PCDHA7: variants seen among roughly 807,000 people sequenced by gnomAD.
PCDHA7 encodes protocadherin alpha 7, also known as protocadherin alpha-7.
A neutral mutation model predicts 57.2 loss-of-function variants in PCDHA7; 37 were observed. That is an observed-to-expected ratio of 0.65 (90% CI 0.50 to 0.85). The LOEUF is 0.85. PCDHA7 is among the 40% of genes least tolerant of loss of function. The probability of loss-of-function intolerance (pLI) is 0.00; values close to 1 mark genes in which losing one functional copy is unlikely to be tolerated. For synonymous variants in PCDHA7, 553 were observed against 558.8 expected, an observed-to-expected ratio of 0.99 and a Z score of 0.15; for missense variants, 1,188 against 1,241.8, an observed-to-expected ratio of 0.96 and a Z score of 0.65.
chr5:140,993,535 GAGAT>G (rs2097571300), intron 3 of PCDHA7, among the ~76,000 whole-genome samples: 1 of 151,900 alleles, frequency 6.6e-6, no homozygotes, highest in African/African-American at 2.4e-5. Context: ...GAGAGAGAGA[GAGAT>G]AGAGAAGTGA....
In PCDHA7 at chr5:140,836,401, G is replaced by T. The variant is rs2150259872; in HGVS notation, c.2018G>T (p.Gly673Val). 16 of 1,613,770 alleles carry T rather than the reference G, an allele frequency of 9.9e-6. 1 individual carries two copies. The African/African-American group carries it at 2.0e-4, about 20-fold the overall frequency. Residue 673 changes from glycine to valine, a missense_variant, in exon 1 of 4, where the codon GGC becomes GTC. Gly to Val is a moderately radical substitution (Grantham distance 109, BLOSUM62 -3). Transcript: ENST00000525929. ...GTGCTGGTGTCGCTGGTGGAAAGCG[G>T]CCAGGCACCAAAGGCGTCGTCGCGG... The part of the protein sequence containing the change: ...ATVLVSLVES[G>V]QAPKASSRAS...
At chr5:140,957,897 C>A (rs1563294637) in intron 1 of PCDHA7, among the ~76,000 whole-genome samples, 2 of 151,908 alleles carry the variant, frequency 1.3e-5, no homozygotes, top group East Asian at 3.9e-4. Context: ...TGGCATCAAC[C>A]AAGGCATATT....
In PCDHA7 at chr5:140,858,202, A is replaced by C. The variant is rs782325182; in HGVS notation, c.2355+21464A>C. On this transcript the variant is annotated intron_variant, in intron 1 of 3. Transcript: ENST00000525929. The stretch of plus-strand genomic sequence containing the variant: ...TGCTCACGCTGCTGCTGTACACTGC[A>C]CTGAGGTGCTCGGCGGCGCCCACCG... The C allele has an allele frequency of 1.9e-6, 3 of 1,596,904 alleles. No homozygotes were observed. In the East Asian group the frequency reaches 6.7e-5, roughly 36 times the overall value.
intron 1 of PCDHA7, among the ~76,000 whole-genome samples, chr5:140,896,879 G>A (rs1323456222): frequency 6.6e-6 from 1 of 151,976 alleles, no homozygotes; most frequent in Non-Finnish European, 1.5e-5. Context: ...TATTTATGGG[G>A]TATATGAGAC....
chr5:140,979,004 A>T lies in PCDHA7; in HGVS notation c.2411A>T (p.His804Leu). ...RYSASLRAGM[H>L]SSVHLEEAGI... Reference sequence around the variant, plus strand: ...TCTGCCTCCCTGAGAGCAGGCATGCACAGGTATGTATTTCCCTCCTCATTC... The same window carrying T: ...TCTGCCTCCCTGAGAGCAGGCATGCTCAGGTATGTATTTCCCTCCTCATTC... Residue 804 changes from histidine (H) to leucine (L), a missense_variant, in exon 2 of 4, where the codon CAC becomes CTC. His to Leu is a moderately conservative substitution (Grantham distance 99). Coordinates refer to ENST00000525929, the MANE Select transcript of PCDHA7 (RefSeq NM_018910.3). The T allele has an allele frequency of 6.2e-7, 1 of 1,614,144 alleles. No homozygotes were observed. Among genetic ancestry groups the T allele is most frequent in the South Asian group, 1.1e-5 (1 of 91,052 alleles).
chr5:140,873,432 T>A (rs992972839), intron 1 of PCDHA7, among the ~76,000 whole-genome samples: 5 of 152,212 alleles, frequency 3.3e-5, no homozygotes, highest in African/African-American at 7.2e-5. Flanking sequence ...TTATTTTATA[T>A]CACATAAATA....
chr5:140,887,101 CT>C (rs200717289), intron 1 of PCDHA7, among the ~76,000 whole-genome samples: 3,245 of 145,086 alleles, frequency 0.022, 87 homozygotes, highest in African/African-American at 0.074. Flanking sequence ...ATCTTTATCT[CT>C]TTTTTTTTTT....
At chr5:140,907,706 A>G (rs1171479205) in intron 1 of PCDHA7, among the ~76,000 whole-genome samples, 1 of 152,172 alleles carries the variant, frequency 6.6e-6, no homozygotes, top group Non-Finnish European at 1.5e-5. Flanking sequence ...CCTGTTGCTG[A>G]GCCCATGTGT....
At chr5:140,993,227 C>T (rs1464075096) in intron 3 of PCDHA7, among the ~76,000 whole-genome samples, 1 of 152,084 alleles carries the variant, frequency 6.6e-6, no homozygotes, top group African/African-American at 2.4e-5. Context: ...TTGGTATGTT[C>T]TCTCTGAATC....
At chr5:140,877,585 T>A (rs2057227188) in intron 1 of PCDHA7, 1 of 1,613,836 alleles carries the variant, frequency 6.2e-7, no homozygotes, top group Non-Finnish European at 8.5e-7. Flanking sequence ...CATCGCCATC[T>A]GTGCGGTGTC....
chr5:140,877,037 C>T lies in PCDHA7; in HGVS notation c.2355+40299C>T, dbSNP rs782624599. ...AGCGGCAAGGTGTACGCGCTGCAGC[C>T]GCTAGACCACGAGGAGCTGGAGCTG... On this transcript the variant is annotated intron_variant, in intron 1 of 3. Transcript: ENST00000525929. 6.8e-6 allele frequency: 11 copies of T among 1,612,374 alleles called. No individual in the cohort carries two copies. Among genetic ancestry groups the T allele is most frequent in the Admixed American group, 5.0e-5 (3 of 59,998 alleles).
In PCDHA7 at chr5:140,856,841, G is replaced by C. The variant is rs781868199; in HGVS notation, c.2355+20103G>C. The C allele has an allele frequency of 2.2e-5, 35 of 1,592,304 alleles. 4 individuals are homozygous for C. The Middle Eastern group carries it at 5.0e-4, about 23-fold the overall frequency. ...CCAAACATTAGTAATACGGCTCAAC[G>C]CTTCTGATTCGGATGAAGGAATAAA... On this transcript the variant is annotated intron_variant, in intron 1 of 3. Coordinates refer to ENST00000525929, the MANE Select transcript of PCDHA7 (RefSeq NM_018910.3).
chr5:140,883,575 G>A (rs782472492), intron 1 of PCDHA7: 2 of 1,614,072 alleles, frequency 1.2e-6, no homozygotes, highest in Non-Finnish European at 1.7e-6. Flanking sequence ...CCTTCGCTGT[G>A]GGCCACGGCC....
At chr5:140,856,781 G>C in intron 1 of PCDHA7, 1 of 1,596,356 alleles carries the variant, frequency 6.3e-7, no homozygotes, top group South Asian at 1.1e-5. Context: ...TGACAGACCG[G>C]TTTATGAAGT....
intron 1 of PCDHA7, chr5:140,883,287 T>A: frequency 6.2e-7 from 1 of 1,613,984 alleles, no homozygotes; most frequent in Non-Finnish European, 8.5e-7. Context: ...TTGGTGGAAG[T>A]ACTAGATGTA....
At chr5:140,877,414 C>T (rs1554169712) in intron 1 of PCDHA7, 22 of 1,613,930 alleles carry the variant, frequency 1.4e-5, no homozygotes, top group Non-Finnish European at 1.8e-5. Context: ...CCACCGCCTG[C>T]TGGTGCTGGT....
In PCDHA7 at chr5:140,835,742, G is replaced by A. The variant is rs2150243786; in HGVS notation, c.1359G>A (p.Pro453=). Residue 453 remains proline, a synonymous_variant, in exon 1 of 4, where the codon CCG becomes CCA. Coordinates refer to ENST00000525929, the MANE Select transcript of PCDHA7 (RefSeq NM_018910.3). ...TGGCCGACGTGAACGACAACGCCCC[G>A]GCGTTCGCGCAGCCCGAGTATACGG... ...VEVADVNDNA[P]AFAQPEYTVF... 1.8e-5 allele frequency: 29 copies of A among 1,613,552 alleles called. 1 individual carries two copies. The highest frequency in any genetic ancestry group is 2.4e-5 in the Non-Finnish European group (28 of 1,179,844).
intron 1 of PCDHA7, among the ~76,000 whole-genome samples, chr5:140,900,334 G>A (rs552378783): frequency 4.2e-4 from 64 of 152,060 alleles, no homozygotes; most frequent in East Asian, 1.6e-3. Context: ...CTGGAGTACC[G>A]TGGCGCAATC....
intron 1 of PCDHA7, chr5:140,858,372 C>CACATCT: frequency 6.3e-7 from 1 of 1,587,864 alleles, no homozygotes; most frequent in Non-Finnish European, 8.6e-7. Flanking sequence ...CCCAGCCTTC[C>CACATCT]ACCATGCCCA....
Sources: gnomAD v4.1 joint callset for allele counts (sites outside exome capture counted in the v4.1 genomes callset) on GRCh38, gnomAD v4.1.1 for gene constraint, MANE v1.5 for transcripts, NCBI Gene and HGNC (gene_info 2026-07-23, HGNC 2026-07-21) for gene names.